LRRC40: variants seen among roughly 807,000 people sequenced by gnomAD.
The protein encoded by LRRC40 is leucine rich repeat containing 40, also known as leucine-rich repeat-containing protein 40.
Under a neutral mutation model 72.8 loss-of-function variants are expected in LRRC40, and 76 were observed. The observed-to-expected ratio is 1.04, with a 90% CI of 0.87 to 1.26. The LOEUF (loss-of-function observed/expected upper bound fraction) is 1.26, where lower values mean the gene tolerates loss of function less well. Ranked by LOEUF, LRRC40 falls within the 50% of genes most tolerant of loss-of-function variation. The pLI is 0.00. For synonymous variants in LRRC40, 243 were observed against 254.2 expected (o/e 0.96, Z 0.42); for missense variants, 684 against 698.9 (o/e 0.98, Z 0.24).
chr1:70,179,042 T>C (rs576146196), intron 5 of LRRC40, 49 bp from the exon 6 acceptor site: 1 of 1,212,294 alleles, frequency 8.2e-7, no homozygotes, highest in Admixed American at 2.5e-5. Context: ...AAAAAATTAG[T>C]TTCTGATCGT....
chr1:70,180,979 T>C (rs1023194861), intron 5 of LRRC40, 107 bp downstream of exon 5: 3 of 806,088 alleles, frequency 3.7e-6, no homozygotes, highest in Non-Finnish European at 5.4e-6. Context: ...TTTACCACTA[T>C]AAAAATCTAC....
chr1:70,168,072 C>A (rs956187121), intron 9 of LRRC40, among the ~76,000 whole-genome samples: 1 of 152,162 alleles, frequency 6.6e-6, no homozygotes, highest in African/African-American at 2.4e-5. Context: ...CTCCAGAAGG[C>A]TACAACTGAG....
intron 1 of LRRC40, among the ~76,000 whole-genome samples, chr1:70,193,704 C>A (rs1668549911): frequency 6.6e-6 from 1 of 151,696 alleles, no homozygotes; most frequent in South Asian, 2.1e-4. Context: ...GATTATAGAC[C>A]CAAATTCCTG....
intron 11 of LRRC40, among the ~76,000 whole-genome samples, chr1:70,154,758 T>A (rs1667600849): frequency 6.6e-6 from 1 of 152,166 alleles, no homozygotes; most frequent in African/African-American, 2.4e-5. Flanking sequence ...CATCACCTTT[T>A]TTTTTCCTCT....
At chr1:70,174,649 A>G (rs1211523437) in intron 7 of LRRC40, among the ~76,000 whole-genome samples, 1 of 152,042 alleles carries the variant, frequency 6.6e-6, no homozygotes, top group East Asian at 1.9e-4. Context: ...AATCACAAAA[A>G]CTTTATGTTA....
chr1:70,148,519 A>C lies in LRRC40; in HGVS notation c.1671T>G (p.Ile557Met), dbSNP rs750215756. Residue 557 changes from isoleucine (I) to methionine (M), a missense_variant, in exon 14 of 15, where the codon ATT (isoleucine) becomes ATG (methionine). Ile to Met is a conservative substitution (Grantham distance 10). Coordinates refer to ENST00000370952, the MANE Select transcript of LRRC40 (RefSeq NM_017768.5). ...LDLQNNDLLQ[I>M]PPELGNCVNL... ...TTACACAATTACCGAGCTCTGGTGG[A>C]ATTTGTAAGAGGTCATTATTTTGAA... The C allele has an allele frequency of 6.2e-7, 1 of 1,613,160 alleles. No individual in the cohort carries two copies. Among genetic ancestry groups the C allele is most frequent in the Non-Finnish European group, 8.5e-7 (1 of 1,179,374 alleles).
chr1:70,205,009 G>A (rs770811236), intron 1 of LRRC40, among the ~76,000 whole-genome samples: 2 of 151,994 alleles, frequency 1.3e-5, no homozygotes, highest in Non-Finnish European at 2.9e-5. Flanking sequence ...TTTTAGCTTT[G>A]GTAATTGCCC....
intron 9 of LRRC40, among the ~76,000 whole-genome samples, chr1:70,170,993 T>C (rs1667988991): frequency 6.6e-6 from 1 of 152,116 alleles, no homozygotes; most frequent in Non-Finnish European, 1.5e-5. Context: ...AGTGTGGAAC[T>C]GGCAAAGGTC....
intron 1 of LRRC40, among the ~76,000 whole-genome samples, chr1:70,201,695 G>A (rs991855445): frequency 7.9e-5 from 12 of 152,126 alleles, no homozygotes; most frequent in African/African-American, 1.9e-4. Flanking sequence ...AATACAGGCC[G>A]GGCGTGGGGG....
At chr1:70,190,981 T>C (rs1668488426) in intron 1 of LRRC40, among the ~76,000 whole-genome samples, 2 of 152,120 alleles carry the variant, frequency 1.3e-5, no homozygotes, top group African/African-American at 2.4e-5. Context: ...ATTGTTATTT[T>C]GGTATGTAGG....
chr1:70,173,935 G>A (rs977140876), intron 7 of LRRC40, among the ~76,000 whole-genome samples: 2 of 152,068 alleles, frequency 1.3e-5, no homozygotes, highest in Non-Finnish European at 1.5e-5. Flanking sequence ...TTTTAAAAAA[G>A]TGAGCTATAA....
chr1:70,193,753 C>T (rs944692205), intron 1 of LRRC40, among the ~76,000 whole-genome samples: 2 of 151,966 alleles, frequency 1.3e-5, no homozygotes, highest in Non-Finnish European at 2.9e-5. Context: ...GATAACATAT[C>T]ATGATCCAGT....
chr1:70,176,270 C>T (rs750493672), intron 6 of LRRC40, among the ~76,000 whole-genome samples: 10 of 152,092 alleles, frequency 6.6e-5, no homozygotes, highest in Non-Finnish European at 1.3e-4. Flanking sequence ...CAGTGGCTCA[C>T]GCCTGTAATC....
rs1047506758 is a variant in LRRC40 at position 70,178,866 on chromosome 1, A to G, written c.789T>C (p.Ser263=). ...TAAATAGTACCTTCAATAGACTACA[A>G]GAAGGAAATTCTGGTAGAAAACGTA... is the stretch of plus-strand genomic sequence containing the variant. The part of the protein sequence containing the change: ...NKLRFLPEFP[S]CSLLKELHVG... Residue 263 remains serine (S), a synonymous_variant, in exon 6 of 15, where the codon TCT becomes TCC. Coordinates refer to ENST00000370952, the MANE Select transcript of LRRC40 (RefSeq NM_017768.5). The G allele has an allele frequency of 1.9e-6, 3 of 1,592,960 alleles. No individual in the cohort carries two copies. Among genetic ancestry groups the G allele is most frequent in the Admixed American group, 1.7e-5 (1 of 59,030 alleles).
intron 9 of LRRC40, among the ~76,000 whole-genome samples, chr1:70,161,249 T>C (rs1288613415): frequency 6.6e-6 from 1 of 151,120 alleles, no homozygotes; most frequent in Non-Finnish European, 1.5e-5. Flanking sequence ...CACGCCCAGC[T>C]AATTTTTTGT....
At chr1:70,205,267 G>A in intron 1 of LRRC40, 123 bp downstream of exon 1, 1 of 925,646 alleles carries the variant, frequency 1.1e-6, no homozygotes, top group Non-Finnish European at 1.6e-6. Context: ...TTAGATTAGA[G>A]CACAGAAATT....
At chr1:70,198,603 G>C (rs1000810779) in intron 1 of LRRC40, among the ~76,000 whole-genome samples, 1 of 152,120 alleles carries the variant, frequency 6.6e-6, no homozygotes, top group Non-Finnish European at 1.5e-5. Flanking sequence ...ATTTTTCTTT[G>C]AAGTTGGTTA....
At chr1:70,185,528 C>T (rs1668341896) in intron 3 of LRRC40, among the ~76,000 whole-genome samples, 1 of 152,182 alleles carries the variant, frequency 6.6e-6, no homozygotes, top group African/African-American at 2.4e-5. Context: ...CCATGTGGAA[C>T]TGTAAGTCCA....
At chr1:70,202,234 G>A (rs144939846) in intron 1 of LRRC40, among the ~76,000 whole-genome samples, 5 of 152,096 alleles carry the variant, frequency 3.3e-5, no homozygotes, top group Non-Finnish European at 5.9e-5. Flanking sequence ...ACAAAAACCT[G>A]AACATAAATG....
Sources: gnomAD v4.1 joint callset for allele counts (sites outside exome capture counted in the v4.1 genomes callset) on GRCh38, gnomAD v4.1.1 for gene constraint, MANE v1.5 for transcripts, NCBI Gene and HGNC (gene_info 2026-07-23, HGNC 2026-07-21) for gene names.